Variants in SNTG1 observed in about 807,000 individuals in gnomAD.
SNTG1 encodes gamma-1-syntrophin.
In SNTG1, 39 loss-of-function variants were observed where a neutral mutation model predicts 74.7. That is an observed-to-expected ratio of 0.52 (90% CI 0.40 to 0.68). SNTG1 has a LOEUF of 0.68. Ranked by LOEUF, SNTG1 falls within the 30% of genes least tolerant of loss-of-function variation. The pLI is 0.00. For synonymous variants in SNTG1, 254 were observed against 217.1 expected (o/e 1.17, Z -1.49); for missense variants, 685 against 609.5 (o/e 1.12, Z -1.30).
At chr8:50,554,778 C>T (rs1408141443) in intron 12 of SNTG1, among the ~76,000 whole-genome samples, 1 of 152,154 alleles carries the variant, frequency 6.6e-6, no homozygotes, top group Non-Finnish European at 1.5e-5. Flanking sequence ...TAGAGTTAAA[C>T]ACAGAAAAAT....
chr8:50,044,938 T>C (rs1818950672), intron 1 of SNTG1, among the ~76,000 whole-genome samples: 1 of 152,182 alleles, frequency 6.6e-6, no homozygotes, highest in South Asian at 2.1e-4. Context: ...AAATAGTGTC[T>C]AAAATATAGG....
chr8:50,381,252 T>C (rs568359780), intron 2 of SNTG1, among the ~76,000 whole-genome samples: 29 of 152,168 alleles, frequency 1.9e-4, no homozygotes, highest in African/African-American at 6.7e-4. Flanking sequence ...TGCTAGATAA[T>C]GATTAACCAA....
intron 1 of SNTG1, among the ~76,000 whole-genome samples, chr8:50,149,616 C>T (rs2081994257): frequency 6.6e-6 from 1 of 152,292 alleles, no homozygotes; most frequent in Admixed American, 6.5e-5. Context: ...ATATGGCTAG[C>T]CAGTTTTCCC....
Position 50,669,142 on chromosome 8 carries a change from G to C in SNTG1, c.1038+10479G>C, listed in dbSNP as rs1429949242. Among the ~76,000 whole-genome samples the C allele has an allele frequency of 6.6e-5, 10 of 151,694 alleles. No individual in the cohort carries two copies. In the East Asian group the frequency reaches 1.9e-3, roughly 29 times the overall value. On this transcript the variant is annotated intron_variant, in intron 15 of 18. Coordinates refer to ENST00000642720, the MANE Select transcript of SNTG1 (RefSeq NM_018967.5). ...AATTAAAAGAACTAGAAAAGCGAGAGCAAACACATTCAAAAGCTAGCAGAA... is the reference window on the plus strand; with the variant it reads ...AATTAAAAGAACTAGAAAAGCGAGACCAAACACATTCAAAAGCTAGCAGAA...
At chr8:50,557,192 G>GT (rs1456624083) in intron 12 of SNTG1, among the ~76,000 whole-genome samples, 1 of 150,918 alleles carries the variant, frequency 6.6e-6, no homozygotes, top group Non-Finnish European at 1.5e-5. Context: ...TGGTGGCAGG[G>GT]GTAGAGGTTG....
intron 2 of SNTG1, among the ~76,000 whole-genome samples, chr8:50,206,190 C>T (rs1377694754): frequency 6.6e-6 from 1 of 152,194 alleles, no homozygotes; most frequent in Non-Finnish European, 1.5e-5. Flanking sequence ...TTGATTCTTC[C>T]TATCCATGAC....
chr8:50,131,492 G>A lies in SNTG1; in HGVS notation c.-102-41069G>A, dbSNP rs114218392. ...CAGGTTCATGGATGTTGCTGCAAGT[G>A]ACAGGATTTACTTGTGTATTAAGGC... On this transcript the variant is annotated intron_variant, in intron 1 of 18. Coordinates refer to ENST00000642720, the MANE Select transcript of SNTG1 (RefSeq NM_018967.5). Among the ~76,000 whole-genome samples the A allele has an allele frequency of 4.1e-3, 625 of 152,252 alleles. 3 individuals are homozygous for A. The highest frequency in any genetic ancestry group is 0.015 in the African/African-American group (603 of 41,568).
intron 11 of SNTG1, among the ~76,000 whole-genome samples, chr8:50,547,154 C>T (rs78369013): frequency 0.079 from 11,987 of 152,176 alleles, 1,037 homozygotes; most frequent in African/African-American, 0.22. Flanking sequence ...GCAGCTGCCC[C>T]TGCAGTTTCA....
intron 1 of SNTG1, among the ~76,000 whole-genome samples, chr8:50,162,753 C>A (rs2082468654): frequency 6.6e-6 from 1 of 151,960 alleles, no homozygotes; most frequent in Non-Finnish European, 1.5e-5. Context: ...TTGACATCAG[C>A]CTGGCCATTC....
intron 2 of SNTG1, among the ~76,000 whole-genome samples, chr8:50,273,399 C>T (rs765404868): frequency 2.9e-4 from 44 of 152,126 alleles, no homozygotes; most frequent in Non-Finnish European, 4.7e-4. Flanking sequence ...ATAACCTGTG[C>T]CAGGCACTGT....
chr8:50,547,085 GA>G (rs2094393428), intron 11 of SNTG1, among the ~76,000 whole-genome samples: 2 of 152,084 alleles, frequency 1.3e-5, no homozygotes, highest in South Asian at 4.1e-4. Flanking sequence ...GCCCGGCAGA[GA>G]AGGAAGACTC....
chr8:50,112,508 GTTCT>G (rs2080633241), intron 1 of SNTG1, among the ~76,000 whole-genome samples: 1 of 108,688 alleles, frequency 9.2e-6, no homozygotes, highest in Non-Finnish European at 1.9e-5. Flanking sequence ...CAAGTATTTA[GTTCT>G]TTCTTTTTTT....
Position 50,365,024 on chromosome 8 carries a change from A to G in SNTG1, c.-27-29188A>G, listed in dbSNP as rs114496831. The stretch of plus-strand genomic sequence containing the variant: ...CTATCCATTCTCATAATTTCTATTT[A>G]TTAAGCAGTTATTTTGTCCTTGTGC... On this transcript the variant is annotated intron_variant, in intron 2 of 18. Coordinates refer to ENST00000642720, the MANE Select transcript of SNTG1 (RefSeq NM_018967.5). Among the ~76,000 whole-genome samples the G allele has an allele frequency of 9.1e-3, 1,390 of 152,214 alleles. 26 individuals are homozygous for G. The highest frequency in any genetic ancestry group is 0.032 in the African/African-American group (1,317 of 41,524).
At chr8:50,389,294 C>T (rs930247867) in intron 2 of SNTG1, among the ~76,000 whole-genome samples, 4 of 152,078 alleles carry the variant, frequency 2.6e-5, no homozygotes, top group Non-Finnish European at 4.4e-5. Context: ...TACATGTATA[C>T]TGGGATTGCA....
chr8:50,542,101 T>C (rs549646701), intron 11 of SNTG1, among the ~76,000 whole-genome samples: 2 of 146,038 alleles, frequency 1.4e-5, no homozygotes, highest in African/African-American at 2.6e-5. Flanking sequence ...GAATGTAGTA[T>C]ATGTATATAT....
At chr8:50,306,145 G>T (rs1363246740) in intron 2 of SNTG1, among the ~76,000 whole-genome samples, 2 of 146,098 alleles carry the variant, frequency 1.4e-5, no homozygotes, top group Non-Finnish European at 3.0e-5. Flanking sequence ...AGAATATACA[G>T]TATTTGATTT....
At chr8:49,969,916 A>T (rs934783013) in intron 1 of SNTG1, among the ~76,000 whole-genome samples, 3 of 85,972 alleles carry the variant, frequency 3.5e-5, no homozygotes, top group Non-Finnish European at 4.8e-5. Flanking sequence ...GGAATAAAAA[A>T]CCTGTGTGTG....
At chr8:50,350,910 C>G (rs1015829759) in intron 2 of SNTG1, among the ~76,000 whole-genome samples, 2 of 152,196 alleles carry the variant, frequency 1.3e-5, no homozygotes, top group Non-Finnish European at 2.9e-5. Flanking sequence ...GCAGGCCGCC[C>G]AAACCAGCAG....
intron 9 of SNTG1, among the ~76,000 whole-genome samples, chr8:50,512,331 C>T (rs1315742549): frequency 6.6e-6 from 1 of 151,706 alleles, no homozygotes; most frequent in African/African-American, 2.4e-5. Flanking sequence ...CGACCTTTCT[C>T]TCTGGCTGCC....
Sources: gnomAD v4.1 joint callset for allele counts (sites outside exome capture counted in the v4.1 genomes callset) on GRCh38, gnomAD v4.1.1 for gene constraint, MANE v1.5 for transcripts, NCBI Gene and HGNC (gene_info 2026-07-23, HGNC 2026-07-21) for gene names.